The following AMMECR1 variants were observed in gnomAD, a reference collection of about 807,000 sequenced individuals.
The protein encoded by AMMECR1 is nuclear protein AMMECR1.
A neutral mutation model predicts 22.5 loss-of-function variants in AMMECR1; 3 were observed. The observed-to-expected ratio is 0.13, with a 90% CI of 0.06 to 0.35. AMMECR1 has a LOEUF of 0.35. Among genes scored for constraint, AMMECR1 ranks in the 10% least tolerant of loss-of-function variants. The pLI is 1.00. For synonymous variants in AMMECR1, 130 were observed against 116.7 expected, an observed-to-expected ratio of 1.11 and a Z score of -0.74; for missense variants, 235 against 278.7, an observed-to-expected ratio of 0.84 and a Z score of 1.12.
rs1003958310 is a variant in AMMECR1, at chrX:110,317,455, C to T, written c.473+144G>A. 8.8e-4 allele frequency: 892 copies of T among 1,008,037 alleles called. 3 individuals carry two copies. Among genetic ancestry groups the T allele is most frequent in the South Asian group, 1.0e-3 (35 of 33,384 alleles). The allele number at this position is 1,008,037 out of a possible 1,213,427, so 83.1% of individuals were successfully genotyped here. On this transcript the variant is annotated intron_variant, in intron 1 of 5. Transcript: ENST00000262844. The stretch of plus-strand genomic sequence containing the variant: ...CGGAGGGCAAAAAGCGCAGGGTGCC[C>T]TTAGTTCAGTTGAGTAGCTCCGGGG...
intron 2 of AMMECR1, among the ~76,000 whole-genome samples, chrX:110,359,626 C>A (rs992889702): frequency 8.1e-5 from 9 of 111,513 alleles, no homozygotes; most frequent in African/African-American, 2.3e-4. Context: ...ACTATCTATT[C>A]ATTAATTAAT....
At chrX:110,331,007 A>G (rs191551963) in intron 2 of AMMECR1, among the ~76,000 whole-genome samples, 1 of 110,346 alleles carries the variant, frequency 9.1e-6, no homozygotes, top group African/African-American at 3.3e-5. Context: ...GAATGGCCCT[A>G]TCTTGTCCTT....
chrX:110,393,382 A>G (rs147946848), intron 2 of AMMECR1, among the ~76,000 whole-genome samples: 1,448 of 111,997 alleles, frequency 0.013, 13 homozygotes, highest in Middle Eastern at 0.037. Context: ...CAGGTGCTTT[A>G]TTTTCATCTC....
At chrX:110,322,970 TG>T (rs2068084928), upstream of AMMECR1, among the ~76,000 whole-genome samples, 1 of 111,728 alleles carries the variant, frequency 9.0e-6, no homozygotes, top group African/African-American at 3.3e-5. Context: ...GCCTTTTCTT[TG>T]GGGCTGTTCA....
intron 1 of AMMECR1, among the ~76,000 whole-genome samples, chrX:110,439,120 G>A (rs908370514): frequency 4.5e-5 from 5 of 111,734 alleles, no homozygotes; most frequent in Middle Eastern, 4.6e-3. Flanking sequence ...ATTTTGAGGG[G>A]ACTTCAGCAG....
chrX:110,255,932 C>T (rs151186628), intron 2 of AMMECR1, among the ~76,000 whole-genome samples: 2,659 of 111,891 alleles, frequency 0.024, 78 homozygotes, highest in African/African-American at 0.082. Flanking sequence ...TCTTCACTTT[C>T]AGATTTTAAA....
chrX:110,209,739 C>T (rs2067438256), intron 3 of AMMECR1, among the ~76,000 whole-genome samples: 1 of 110,707 alleles, frequency 9.0e-6, no homozygotes, highest in Non-Finnish European at 1.9e-5. Context: ...TTAGGTATCA[C>T]TTAGTCCAAC....
intron 2 of AMMECR1, among the ~76,000 whole-genome samples, chrX:110,407,312 C>T (rs936153245): frequency 1.8e-5 from 2 of 112,056 alleles, no homozygotes; most frequent in Non-Finnish European, 1.9e-5. Flanking sequence ...GTATTTCTCA[C>T]TGTTGGAACT....
intron 2 of AMMECR1, among the ~76,000 whole-genome samples, chrX:110,253,507 A>G: frequency 8.8e-6 from 1 of 113,030 alleles, no homozygotes; most frequent in Non-Finnish European, 1.9e-5. Flanking sequence ...ACATCTCAAT[A>G]CACAATAGAT....
Position 110,403,193 on chromosome X carries a change from C to T in AMMECR1, c.-148+23465G>A, listed in dbSNP as rs757346414. Among the ~76,000 whole-genome samples, 16 of 111,958 alleles carry T rather than the reference C, an allele frequency of 1.4e-4. No individual in the cohort carries two copies. The East Asian group carries it at 3.4e-3, about 24-fold the overall frequency. ...AAAAAGGAAGGCCAGAGATGTGACA[C>T]CCCCCAGCCCCAGGGATTCTACCAC... is the stretch of plus-strand genomic sequence containing the variant. On this transcript the variant is annotated intron_variant, in intron 2 of 7. Coordinates refer to the AMMECR1 transcript ENST00000372057.
chrX:110,226,894 CTT>C (rs1438852325), intron 2 of AMMECR1, among the ~76,000 whole-genome samples: 1 of 111,471 alleles, frequency 9.0e-6, no homozygotes, highest in Non-Finnish European at 1.9e-5. Flanking sequence ...TTTTTGTTCT[CTT>C]CTTTCTCCAT....
At chrX:110,346,183 G>A (rs921063786) in intron 2 of AMMECR1, among the ~76,000 whole-genome samples, 1 of 111,939 alleles carries the variant, frequency 8.9e-6, no homozygotes, top group African/African-American at 3.2e-5. Context: ...AAATCAAATG[G>A]TAGTGTTTTA....
chrX:110,224,440 G>A lies in AMMECR1; in HGVS notation c.585-7808C>T, dbSNP rs141314877. On this transcript the variant is annotated intron_variant, in intron 2 of 5. Coordinates refer to ENST00000262844, the MANE Select transcript of AMMECR1 (RefSeq NM_015365.3). ...AGAGGAATAATCAGAGCAGGTTAGC[G>A]CTCTTTTTGAAAAGATCTGTTTTAC... 7.7e-4 allele frequency among the ~76,000 whole-genome samples: 85 copies of A among 110,857 alleles called. No individual in the cohort carries two copies. The East Asian group carries it at 0.013, about 17-fold the overall frequency.
intron 2 of AMMECR1, chrX:110,346,871 C>A: frequency 1.6e-6 from 1 of 640,369 alleles, no homozygotes; most frequent in South Asian, 2.2e-5. Flanking sequence ...GCTGTTGAAC[C>A]ACTTTCTTCG....
At chrX:110,391,198 G>A (rs1392755749) in intron 2 of AMMECR1, among the ~76,000 whole-genome samples, 1 of 111,337 alleles carries the variant, frequency 9.0e-6, no homozygotes, top group Non-Finnish European at 1.9e-5. Context: ...AAATCCCCTT[G>A]TTTGGTTTTC....
At chrX:110,437,695 A>G (rs2068849200) in intron 1 of AMMECR1, among the ~76,000 whole-genome samples, 1 of 111,843 alleles carries the variant, frequency 8.9e-6, no homozygotes, top group South Asian at 3.8e-4. Flanking sequence ...CAATGCGGGT[A>G]TCAGAGGAAG....
At chrX:110,357,418 T>G (rs1402667742) in intron 2 of AMMECR1, among the ~76,000 whole-genome samples, 2 of 112,357 alleles carry the variant, frequency 1.8e-5, no homozygotes, top group Admixed American at 9.4e-5. Context: ...AGAGACTGTT[T>G]CCTTGATATG....
At chrX:110,360,429 GA>G (rs769273313) in intron 2 of AMMECR1, among the ~76,000 whole-genome samples, 1 of 111,813 alleles carries the variant, frequency 8.9e-6, no homozygotes, top group African/African-American at 3.2e-5. Flanking sequence ...GAGTAGTCAA[GA>G]GGCTATTACC....
intron 2 of AMMECR1, 51 bp from the exon 3 acceptor site, chrX:110,216,683 C>T: frequency 1.2e-6 from 1 of 804,747 alleles, no homozygotes; most frequent in Non-Finnish European, 1.8e-6. Flanking sequence ...TGAAAGTTCC[C>T]AATTTCAAAT....
Sources: gnomAD v4.1 joint callset for allele counts (sites outside exome capture counted in the v4.1 genomes callset) on GRCh38, gnomAD v4.1.1 for gene constraint, MANE v1.5 for transcripts, NCBI Gene and HGNC (gene_info 2026-07-23, HGNC 2026-07-21) for gene names.